SIRT3: variants seen among roughly 807,000 people sequenced by gnomAD.
SIRT3 encodes the protein NAD-dependent protein deacetylase sirtuin-3, mitochondrial.
SIRT3 carries 26 observed loss-of-function variants against 33.5 expected under a neutral mutation model. The ratio of observed to expected loss-of-function variants is 0.78; its 90% CI spans 0.57 to 1.08. SIRT3 has a LOEUF of 1.08. Among genes scored for constraint, SIRT3 ranks in the 50% least tolerant of loss-of-function variants. The pLI is 0.00. For missense variants in SIRT3, 585 were observed against 530.1 expected, an observed-to-expected ratio of 1.10 and a Z score of -1.02; for synonymous variants, 237 against 222.1, an observed-to-expected ratio of 1.07 and a Z score of -0.60.
chr11:226,355 C>T (rs1192008077), intron 4 of SIRT3, among the ~76,000 whole-genome samples: 1 of 152,102 alleles, frequency 6.6e-6, no homozygotes, highest in Non-Finnish European at 1.5e-5. Context: ...CTCTGGGGTT[C>T]CCTTGACCAA....
rs779110722 is a variant in SIRT3 at position 219,049 on chromosome 11, A to G, written c.970-8T>C. On this transcript the variant is annotated splice_polypyrimidine_tract_variant and splice_region_variant and intron_variant, in intron 5 of 6. Coordinates refer to ENST00000382743, the MANE Select transcript of SIRT3 (RefSeq NM_012239.6). Reference sequence around the variant, plus strand: ...GCTGGCAAAAGGCTCCACCTGAAAAATGGGCCAAACGTGAGGGGCACAGTG... The same window carrying G: ...GCTGGCAAAAGGCTCCACCTGAAAAGTGGGCCAAACGTGAGGGGCACAGTG... 11 of 1,608,228 alleles carry G rather than the reference A, an allele frequency of 6.8e-6. No homozygotes were observed. The African/African-American group carries it at 1.2e-4, about 18-fold the overall frequency.
rs139026266 is a variant in SIRT3 at position 218,930 on chromosome 11, C to T, written c.1081G>A (p.Ala361Thr). The T allele has an allele frequency of 9.3e-6, 15 of 1,614,026 alleles. No individual in the cohort carries two copies. Among genetic ancestry groups the T allele is most frequent in the Admixed American group, 3.3e-5 (2 of 59,996 alleles). Residue 361 changes from alanine to threonine, a missense_variant, in exon 6 of 7, where the codon GCC becomes ACC. By Grantham distance (58) the Ala-to-Thr change is moderately conservative. Transcript: ENST00000382743. ...CCGTGAACCACGTCCCCCAGCTGGG[C>T]CACGTCCCTGCTGCGAGGATGCCAA... ...LAWHPRSRDV[A>T]QLGDVVHGVE... is the part of the protein sequence containing the mutation.
intron 6 of SIRT3, among the ~76,000 whole-genome samples, chr11:217,932 A>C (rs1855883294): frequency 6.6e-6 from 1 of 152,222 alleles, no homozygotes. Context: ...TTCTTCTGAT[A>C]GTGAATAAGT....
chr11:225,245 C>T (rs1270738078), intron 4 of SIRT3, among the ~76,000 whole-genome samples: 1 of 152,078 alleles, frequency 6.6e-6, no homozygotes, highest in Non-Finnish European at 1.5e-5. Flanking sequence ...AACCCTGTCT[C>T]TACTAAAACA....
chr11:234,545 G>A (rs1371083241), intron 1 of SIRT3, among the ~76,000 whole-genome samples: 1 of 152,112 alleles, frequency 6.6e-6, no homozygotes, highest in Non-Finnish European at 1.5e-5. Flanking sequence ...CTCCCGAGTA[G>A]CTGGGACTAC....
In SIRT3 at chr11:233,211, G is replaced by A. The variant is rs775083777; in HGVS notation, c.478C>T (p.Pro160Ser). Residue 160 changes from proline to serine, a missense_variant, in exon 3 of 7, where the codon CCG (proline) becomes TCG (serine). Coordinates refer to ENST00000382743, the MANE Select transcript of SIRT3 (RefSeq NM_012239.6). ...AGGTTGCTGTACAGGCCACTCCCCG[G>A]CGATCTGCAGGGAGAGAAGAAAGGC... ...TPSGIPDFRS[P>S]GSGLYSNLQQ... 9.3e-6 allele frequency: 15 copies of A among 1,612,910 alleles called. No individual in the cohort carries two copies. Among genetic ancestry groups the A allele is most frequent in the Non-Finnish European group, 1.1e-5 (13 of 1,179,310 alleles).
chr11:236,457 C>G (rs1230290412), upstream of SIRT3: 13 of 564,054 alleles, frequency 2.3e-5, no homozygotes, highest in Non-Finnish European at 2.9e-5. Context: ...CCCGGCGCCC[C>G]GGTCCCGCCT....
chr11:228,596 G>A lies in SIRT3; in HGVS notation c.807+1856C>T, dbSNP rs191819521. ...TGAAGCTGGATCCCTACCTTACAGCGCACACAAAAATTAACTCAAAATGGA... is the reference window on the plus strand; with the variant it reads ...TGAAGCTGGATCCCTACCTTACAGCACACACAAAAATTAACTCAAAATGGA... On this transcript the variant is annotated intron_variant, in intron 4 of 6. Transcript: ENST00000382743. Among the ~76,000 whole-genome samples, 224 of 152,114 alleles carry A rather than the reference G, an allele frequency of 1.5e-3. 1 individual carries two copies. Among genetic ancestry groups the A allele is most frequent in the African/African-American group, 4.5e-3 (186 of 41,492 alleles).
At chr11:235,176 AAC>A (rs1469874729) in intron 1 of SIRT3, among the ~76,000 whole-genome samples, 21 of 149,762 alleles carry the variant, frequency 1.4e-4, no homozygotes, top group Admixed American at 5.4e-4. Flanking sequence ...GCGCCCGGCC[AAC>A]TCTTCAGGAT....
At chr11:226,672 T>C (rs545402792) in intron 4 of SIRT3, among the ~76,000 whole-genome samples, 1 of 151,988 alleles carries the variant, frequency 6.6e-6, no homozygotes, top group East Asian at 1.9e-4. Flanking sequence ...CTTCCCAAAG[T>C]ACTGGGATTA....
In SIRT3 at chr11:224,192, G is replaced by A. The variant is rs562348241; in HGVS notation, c.855C>T (p.Gly285=). 1.7e-5 allele frequency: 28 copies of A among 1,614,156 alleles called. No homozygotes were observed. The East Asian group carries it at 2.2e-4, about 13-fold the overall frequency. The change falls in exon 5 of 7, where the codon GGC becomes GGT. Residue 285 remains glycine (G), a synonymous_variant. Coordinates refer to ENST00000382743, the MANE Select transcript of SIRT3 (RefSeq NM_012239.6). The part of the protein sequence containing the change: ...DRVPRCPVCT[G]VVKPDIVFFG... Reference sequence around the variant, plus strand: ...AGAACACAATGTCGGGCTTCACAACGCCGGTGCAGACCGGGCAGCGGGGAA... The same window carrying A: ...AGAACACAATGTCGGGCTTCACAACACCGGTGCAGACCGGGCAGCGGGGAA...
chr11:216,648 A>G lies in SIRT3; in HGVS notation c.*50T>C. ...GGCATGAGGTCTTGTCAGAATTGGG[A>G]TGTGGATGTCTCCTATGTTACCATT... is the stretch of plus-strand genomic sequence containing the variant. On this transcript the variant is annotated 3_prime_UTR_variant, in exon 7 of 7. Transcript: ENST00000382743. 6.2e-7 allele frequency: 1 copy of G among 1,607,746 alleles called. No individual in the cohort carries two copies. Among genetic ancestry groups the G allele is most frequent in the Non-Finnish European group, 8.5e-7 (1 of 1,174,570 alleles).
At position 230,345 on chromosome 11, in the gene SIRT3, CTAT is replaced by C. The variant is rs1471596280; in HGVS notation, c.807+104_807+106del. ...TAATTTACAAATAAAATGTTTCACA[CTAT>C]TATTGTTCAACTGTCCTTTCGAGAC... On this transcript the variant is annotated intron_variant, in intron 4 of 6. Coordinates refer to ENST00000382743, the MANE Select transcript of SIRT3 (RefSeq NM_012239.6). The C allele has an allele frequency of 2.7e-5, 14 of 522,886 alleles. No individual in the cohort carries two copies. In the Admixed American group the frequency reaches 3.6e-4, roughly 14 times the overall value. 32.4% of individuals were successfully genotyped at this position (522,886 alleles called of 1,614,324 possible).
chr11:224,249 A>C lies in SIRT3; in HGVS notation c.808-10T>G, dbSNP rs772364362. On this transcript the variant is annotated splice_polypyrimidine_tract_variant and intron_variant, in intron 4 of 6. Coordinates refer to ENST00000382743, the MANE Select transcript of SIRT3 (RefSeq NM_012239.6). ...CTGCCATCACGTCAGCCTGGAAAAC[A>C]GAGAAAACAGGCCTGAGGAAGATGC... 1.9e-6 allele frequency: 3 copies of C among 1,613,374 alleles called. No homozygotes were observed. Among genetic ancestry groups the C allele is most frequent in the Non-Finnish European group, 2.5e-6 (3 of 1,179,704 alleles).
chr11:224,814 C>G (rs529288130), intron 4 of SIRT3, among the ~76,000 whole-genome samples: 16 of 151,236 alleles, frequency 1.1e-4, no homozygotes, highest in Admixed American at 1.1e-3. Context: ...CTTCCCTTTG[C>G]GTCAAGATTA....
intron 5 of SIRT3, among the ~76,000 whole-genome samples, chr11:219,722 A>G (rs142964346): frequency 0.013 from 1,999 of 152,328 alleles, 50 homozygotes; most frequent in African/African-American, 0.046. Flanking sequence ...AATGGATTAA[A>G]GGTTTCAATG....
chr11:232,553 G>A (rs867753888), intron 3 of SIRT3, among the ~76,000 whole-genome samples: 5 of 152,180 alleles, frequency 3.3e-5, no homozygotes, highest in Non-Finnish European at 7.3e-5. Flanking sequence ...AGAAGGTGGT[G>A]AGGACGCAGG....
intron 1 of SIRT3, 39 bp downstream of exon 1, chr11:236,009 A>C: frequency 2.8e-6 from 4 of 1,430,274 alleles, no homozygotes; most frequent in Non-Finnish European, 3.7e-6. Flanking sequence ...AGGTGTCGAC[A>C]ACGAACACGC....
intron 5 of SIRT3, among the ~76,000 whole-genome samples, chr11:220,188 G>C (rs575256951): frequency 1.3e-5 from 2 of 151,842 alleles, no homozygotes; most frequent in East Asian, 1.9e-4. Context: ...AACTTAGCTG[G>C]GCGTGGTGGC....
Sources: gnomAD v4.1 joint callset for allele counts (sites outside exome capture counted in the v4.1 genomes callset) on GRCh38, gnomAD v4.1.1 for gene constraint, MANE v1.5 for transcripts, NCBI Gene and HGNC (gene_info 2026-07-23, HGNC 2026-07-21) for gene names.